Variants in ARHGAP27 observed in about 807,000 individuals in gnomAD.
ARHGAP27 encodes the protein Rho GTPase activating protein 27, also known as rho GTPase-activating protein 27.
In ARHGAP27, 53 loss-of-function variants were observed where a neutral mutation model predicts 102.0. The observed-to-expected ratio is 0.52, with a 90% confidence interval of 0.42 to 0.65. The LOEUF (loss-of-function observed/expected upper bound fraction) is 0.65. Among genes scored for constraint, ARHGAP27 ranks in the 30% least tolerant of loss-of-function variants. ARHGAP27 has a pLI of 0.00. For synonymous variants in ARHGAP27, 525 were observed against 542.8 expected (o/e 0.97, Z 0.46); for missense variants, 1,117 against 1,256.2 (o/e 0.89, Z 1.68).
At chr17:45,403,377 T>C (rs1156818689) in intron 11 of ARHGAP27, among the ~76,000 whole-genome samples, 1 of 151,984 alleles carries the variant, frequency 6.6e-6, no homozygotes, top group Admixed American at 6.6e-5. Flanking sequence ...CTGGCCAACA[T>C]AGTAAAACCC....
chr17:45,425,471 C>T, intron 4 of ARHGAP27: 1 of 829,436 alleles, frequency 1.2e-6, no homozygotes, highest in Non-Finnish European at 1.5e-6. Context: ...AGGGGAGGGG[C>T]CCCCAGATGG....
intron 4 of ARHGAP27, among the ~76,000 whole-genome samples, chr17:45,414,105 C>CA (rs11311214): frequency 0.012 from 1,766 of 142,968 alleles, 33 homozygotes; most frequent in Non-Finnish European, 0.014. Flanking sequence ...GACTCCATCT[C>CA]AAAAAAAAAA....
intron 4 of ARHGAP27, chr17:45,425,697 G>A: frequency 1.0e-6 from 1 of 965,598 alleles, no homozygotes; most frequent in Non-Finnish European, 1.2e-6. Flanking sequence ...CCTCCCAGCG[G>A]CCAATGCCCC....
chr17:45,406,831 G>C lies in ARHGAP27; in HGVS notation c.658-748C>G, dbSNP rs2144581407. On this transcript the variant is annotated intron_variant, in intron 4 of 19. Coordinates refer to ENST00000685559, the MANE Select transcript of ARHGAP27 (RefSeq NM_001282290.2). ...CCAGAAAGCTCTGGGATTGGAATCA[G>C]CACCCTGTCTGGATTTGGGGACTGA... 1.3e-5 allele frequency among the ~76,000 whole-genome samples: 2 copies of C among 152,294 alleles called. 1 individual carries two copies. Among genetic ancestry groups the C allele is most frequent in the Middle Eastern group, 6.8e-3 (2 of 294 alleles).
Position 45,404,053 on chromosome 17 carries a change from G to A in ARHGAP27, c.1523C>T (p.Thr508Met), listed in dbSNP as rs201721078. ...DKAGVLHRTK[T>M]ADKGKRLRKK... ...CCGGAGCCGCTTTCCCTTGTCTGCC[G>A]TCTTGGTGCGATGGAGCACCCCTGC... Residue 508 changes from threonine (T) to methionine (M), a missense_variant, in exon 10 of 20, where the codon ACG becomes ATG. Physicochemically the swap from Thr to Met is moderately conservative, Grantham distance 81. This residue lies in a region of ARHGAP27 where 14 missense variants were observed against 34.4 expected (regional missense o/e 0.41). Transcript: ENST00000685559. 1,870 of 1,614,112 alleles carry A rather than the reference G, an allele frequency of 1.2e-3. 45 individuals carry two copies. The Admixed American group carries it at 0.028, about 24-fold the overall frequency.
intron 4 of ARHGAP27, among the ~76,000 whole-genome samples, chr17:45,413,927 G>A (rs933327663): frequency 1.3e-5 from 2 of 152,136 alleles, no homozygotes; most frequent in Non-Finnish European, 1.5e-5. Flanking sequence ...CCAACATAGC[G>A]AAACCTTGTC....
Position 45,396,903 on chromosome 17 carries a change from G to T in ARHGAP27, c.1951+13C>A. The T allele has an allele frequency of 6.2e-7, 1 of 1,607,146 alleles. No homozygotes were observed. The highest frequency in any genetic ancestry group is 8.5e-7 in the Non-Finnish European group (1 of 1,179,912). ...CCTCCTGGAGCCCCCACCCCATCCT[G>T]CCTTGCGCACACCTGCATTCGGTCG... On this transcript the variant is annotated intron_variant, in intron 14 of 19. Coordinates refer to ENST00000685559, the MANE Select transcript of ARHGAP27 (RefSeq NM_001282290.2).
chr17:45,419,805 C>A (rs533548716), intron 4 of ARHGAP27, among the ~76,000 whole-genome samples: 4 of 149,708 alleles, frequency 2.7e-5, no homozygotes, highest in Admixed American at 2.0e-4. Flanking sequence ...CAGAAACAGG[C>A]AAAGGATATA....
In ARHGAP27 at chr17:45,396,850, C is replaced by T. The variant is rs1257209713; in HGVS notation, c.1952-60G>A. On this transcript the variant is annotated intron_variant, in intron 14 of 19. Coordinates refer to ENST00000685559, the MANE Select transcript of ARHGAP27 (RefSeq NM_001282290.2). ...CAGCGCCAGGGCAGGCCAGGCAGGCCCCAGCAACCGTCACTCCCCAGGAGA... is the reference window on the plus strand; with the variant it reads ...CAGCGCCAGGGCAGGCCAGGCAGGCTCCAGCAACCGTCACTCCCCAGGAGA... The T allele has an allele frequency of 5.6e-6, 9 of 1,606,946 alleles. No homozygotes were observed. In the East Asian group the frequency reaches 1.8e-4, roughly 32 times the overall value.
chr17:45,420,381 T>A (rs2048912907), intron 4 of ARHGAP27, among the ~76,000 whole-genome samples: 1 of 152,170 alleles, frequency 6.6e-6, no homozygotes, highest in South Asian at 2.1e-4. Flanking sequence ...ATCAGATACA[T>A]AATTATACTA....
intron 11 of ARHGAP27, among the ~76,000 whole-genome samples, chr17:45,403,239 C>G (rs1411700505): frequency 6.6e-6 from 1 of 152,204 alleles, no homozygotes; most frequent in Non-Finnish European, 1.5e-5. Context: ...CTCTCTCAGA[C>G]CTGGTCATCT....
intron 12 of ARHGAP27, among the ~76,000 whole-genome samples, chr17:45,398,277 A>G (rs2045983517): frequency 1.3e-5 from 2 of 152,218 alleles, no homozygotes; most frequent in Admixed American, 6.5e-5. Context: ...AGGCTCAGCA[A>G]GTTTTAGCTG....
intron 4 of ARHGAP27, among the ~76,000 whole-genome samples, chr17:45,429,157 C>A (rs908506068): frequency 6.6e-6 from 1 of 152,238 alleles, no homozygotes; most frequent in Admixed American, 6.5e-5. Flanking sequence ...TCCCCCGTTC[C>A]GTGCCCAGAT....
At position 45,430,073 on chromosome 17, in the gene ARHGAP27, C is replaced by T. The variant is rs745639336; in HGVS notation, c.207G>A (p.Ala69=). The part of the protein sequence containing the change: ...LPAQYVRELP[A]LGNPAAAAPP... ...GCGCGGCGGCGGCAGGGTTGCCCAGCGCGGGCAGCTCGCGCACGTACTGCG... is the reference window on the plus strand; with the variant it reads ...GCGCGGCGGCGGCAGGGTTGCCCAGTGCGGGCAGCTCGCGCACGTACTGCG... Residue 69 remains alanine, a synonymous_variant, in exon 4 of 20, where the codon GCG becomes GCA. Coordinates refer to ENST00000685559, the MANE Select transcript of ARHGAP27 (RefSeq NM_001282290.2). This position sits in a 1 kb window ranked among gnomAD's most constrained non-coding sequence, Gnocchi z 4.4. 3.5e-3 allele frequency: 4,800 copies of T among 1,371,926 alleles called. 14 individuals are homozygous for T. Among genetic ancestry groups the T allele is most frequent in the Non-Finnish European group, 4.1e-3 (4,380 of 1,070,864 alleles). The allele number at this position is 1,371,926 out of a possible 1,614,324, so 85.0% of individuals were successfully genotyped here.
In ARHGAP27 at chr17:45,405,080, G is replaced by A; in HGVS notation, c.1092C>T (p.Pro364=). The A allele has an allele frequency of 2.5e-6, 4 of 1,595,534 alleles. No homozygotes were observed. Among genetic ancestry groups the A allele is most frequent in the Non-Finnish European group, 3.4e-6 (4 of 1,168,984 alleles). ...PRPPTPETDY[P]ESLTSYPEED... ...CCTCGGGGTAACTGGTCAGCGACTC[G>A]GGGTAGTCCGTCTCGGGAGTGGGGG... is the stretch of plus-strand genomic sequence containing the variant. The change falls in exon 6 of 20, where the codon CCC becomes CCT. Residue 364 remains proline, a synonymous_variant. Transcript: ENST00000685559.
chr17:45,395,831 C>T lies in ARHGAP27; in HGVS notation c.2405G>A (p.Arg802Gln), dbSNP rs747073880. Residue 802 changes from arginine (R) to glutamine (Q), a missense_variant, in exon 19 of 20, where the codon CGG becomes CAG. By Grantham distance (43) the Arg-to-Gln change is conservative. This residue lies in a region of ARHGAP27 where 493 missense variants were observed against 505.5 expected (regional missense o/e 0.98). Coordinates refer to ENST00000685559, the MANE Select transcript of ARHGAP27 (RefSeq NM_001282290.2). ...CAAGTCACGCACACAGCGGCTGCGC[C>T]GGGCCTGGTCCTGCAACTCTGGGTG... is the stretch of plus-strand genomic sequence containing the variant. The part of the protein sequence containing the change: ...IAAIKLQDQA[R>Q]RSRCVRDLVR... The T allele has an allele frequency of 5.6e-6, 9 of 1,602,038 alleles. No homozygotes were observed. Among genetic ancestry groups the T allele is most frequent in the East Asian group, 2.3e-5 (1 of 44,260 alleles).
intron 4 of ARHGAP27, among the ~76,000 whole-genome samples, chr17:45,422,632 C>T (rs112426877): frequency 2.6e-5 from 4 of 152,122 alleles, no homozygotes; most frequent in South Asian, 2.1e-4. Flanking sequence ...CAATTTGTAA[C>T]GAAAGAACGC....
At chr17:45,407,482 T>C (rs751855808) in intron 4 of ARHGAP27, 1 of 152,424 alleles carries the variant, frequency 6.6e-6, no homozygotes, top group African/African-American at 2.4e-5. Context: ...AGATTACTAC[T>C]ATTTTCTTTT....
At chr17:45,428,596 C>T (rs2049820452) in intron 4 of ARHGAP27, among the ~76,000 whole-genome samples, 4 of 152,176 alleles carry the variant, frequency 2.6e-5, no homozygotes, top group South Asian at 2.1e-4. Flanking sequence ...CTGGGCATCC[C>T]GGACTCAGTC....
Sources: allele counts gnomAD v4.1 joint callset (sites outside exome capture counted in the v4.1 genomes callset), GRCh38; gene constraint gnomAD v4.1.1; regional missense constraint gnomAD v4.1.1; non-coding constraint Gnocchi (gnomAD v3.1); transcripts MANE v1.5; gene names NCBI Gene and HGNC (gene_info 2026-07-23, HGNC 2026-07-21).